Variants in DYSF observed in about 807,000 individuals in gnomAD.
DYSF encodes the protein dysferlin, also known as dystrophy-associated fer-1-like 1.
In DYSF, 212 loss-of-function variants were observed where a neutral mutation model predicts 274.9. That is an observed-to-expected ratio of 0.77 (90% confidence interval 0.69 to 0.86). DYSF has a LOEUF of 0.86. Ranked by LOEUF, DYSF falls within the 40% of genes least tolerant of loss-of-function variation. DYSF has a pLI of 0.00. For synonymous variants in DYSF, 1,091 were observed against 1,078.7 expected (o/e 1.01, Z -0.22); for missense variants, 2,666 against 2,783.2 (o/e 0.96, Z 0.95).
intron 30 of DYSF, among the ~76,000 whole-genome samples, chr2:71,575,609 C>T (rs2092676576): frequency 6.6e-6 from 1 of 152,002 alleles, no homozygotes; most frequent in Non-Finnish European, 1.5e-5. Flanking sequence ...CTGGCCTGAG[C>T]ACTGGGCAGG....
chr2:71,529,593 C>T (rs906982408), intron 14 of DYSF, among the ~76,000 whole-genome samples: 6 of 152,180 alleles, frequency 3.9e-5, no homozygotes, highest in Non-Finnish European at 8.8e-5. Flanking sequence ...TAGGGATGAT[C>T]GCCTGATCAC....
intron 3 of DYSF, among the ~76,000 whole-genome samples, chr2:71,483,540 G>C (rs1488677433): frequency 1.3e-5 from 2 of 152,160 alleles, no homozygotes; most frequent in Non-Finnish European, 1.5e-5. Flanking sequence ...TCAGTCTCAC[G>C]ACACGTGCGG....
intron 10 of DYSF, 26 bp from the exon 11 acceptor site, chr2:71,520,152 T>G (rs1209190840): frequency 6.2e-7 from 1 of 1,614,046 alleles, no homozygotes; most frequent in Admixed American, 1.7e-5. Context: ...AAGAGTTTGA[T>G]TTGTGTCTCC....
chr2:71,581,211 C>T (rs566825060), intron 30 of DYSF, among the ~76,000 whole-genome samples: 14 of 152,350 alleles, frequency 9.2e-5, no homozygotes, highest in Admixed American at 3.3e-4. Flanking sequence ...CAAGCACACA[C>T]GCATACACGC....
In DYSF at chr2:71,569,735, C is replaced by G. The variant is rs10205023; in HGVS notation, c.2865-85C>G. On this transcript the variant is annotated intron_variant, in intron 26 of 55. Transcript: ENST00000410020. The stretch of plus-strand genomic sequence containing the variant: ...TGTTGGTTGGGGTGAGGCTGACATA[C>G]GCAGGGGTGCTCTCCAGGAGGTGGT... 885,408 of 1,173,464 alleles carry G rather than the reference C, an allele frequency of 0.75. 336,511 individuals carry two copies. The highest frequency in any genetic ancestry group is 0.83 in the African/African-American group (54,855 of 66,082). 72.7% of individuals were successfully genotyped at this position (1,173,464 alleles called of 1,614,324 possible). A position where few individuals can be genotyped will look rare whatever the true frequency, so the allele number is the denominator to read the frequency against.
intron 44 of DYSF, among the ~76,000 whole-genome samples, chr2:71,659,249 T>TG (rs1238204948): frequency 6.6e-6 from 1 of 151,890 alleles, no homozygotes; most frequent in Non-Finnish European, 1.5e-5. Flanking sequence ...TTTGGGAAAA[T>TG]GGGGAAGGCT....
intron 52 of DYSF, among the ~76,000 whole-genome samples, chr2:71,678,577 T>G (rs1348590836): frequency 1.3e-5 from 2 of 152,038 alleles, no homozygotes; most frequent in African/African-American, 4.8e-5. Context: ...AGTTTTTGTT[T>G]GGGGGATGGA....
chr2:71,512,548 G>C (rs1416910430), intron 5 of DYSF, among the ~76,000 whole-genome samples: 1 of 152,220 alleles, frequency 6.6e-6, no homozygotes. Flanking sequence ...GTTCTGCCAG[G>C]CTGGTCAAGC....
At chr2:71,606,166 A>C (rs940168430) in intron 36 of DYSF, among the ~76,000 whole-genome samples, 1 of 152,136 alleles carries the variant, frequency 6.6e-6, no homozygotes, top group Non-Finnish European at 1.5e-5. Flanking sequence ...TCTTCGTGGT[A>C]AACTGGCCAG....
chr2:71,668,972 C>G, intron 49 of DYSF, 130 bp downstream of exon 49: 1 of 1,313,370 alleles, frequency 7.6e-7, no homozygotes. Flanking sequence ...ATACAGTTCT[C>G]GTTTGGGCCT....
chr2:71,606,827 G>C (rs1359843511), intron 36 of DYSF, among the ~76,000 whole-genome samples: 1 of 152,188 alleles, frequency 6.6e-6, no homozygotes, highest in Admixed American at 6.5e-5. Flanking sequence ...ACCAGAGGGA[G>C]TAATGAGCAG....
chr2:71,665,023 G>T, intron 46 of DYSF, 139 bp from the exon 47 acceptor site: 1 of 1,349,086 alleles, frequency 7.4e-7, no homozygotes, highest in South Asian at 1.2e-5. Flanking sequence ...CAGTCATGGT[G>T]AGCAATCAGA....
At chr2:71,682,441 A>G in intron 54 of DYSF, 89 bp from the exon 55 acceptor site, 1 of 1,556,240 alleles carries the variant, frequency 6.4e-7, no homozygotes, top group Non-Finnish European at 8.9e-7. Context: ...GTGGAGGGCC[A>G]GGCCATTGGA....
intron 23 of DYSF, among the ~76,000 whole-genome samples, chr2:71,562,918 C>A (rs987388188): frequency 7.2e-5 from 11 of 152,196 alleles, no homozygotes; most frequent in Admixed American, 4.6e-4. Context: ...GACCCGTGAA[C>A]TGTAAGCACA....
intron 29 of DYSF, among the ~76,000 whole-genome samples, chr2:71,572,706 C>T (rs2092562325): frequency 6.6e-6 from 1 of 152,164 alleles, no homozygotes. Context: ...CTTGGGGTTG[C>T]TGGGGTGAGC....
upstream of DYSF, among the ~76,000 whole-genome samples, chr2:71,462,732 G>C (rs952554012): frequency 2.0e-5 from 3 of 152,256 alleles, no homozygotes; most frequent in African/African-American, 7.2e-5. Flanking sequence ...CAGCAGAGAG[G>C]AGACCCACAT....
intron 32 of DYSF, among the ~76,000 whole-genome samples, chr2:71,591,511 A>G (rs1399274974): frequency 1.3e-5 from 2 of 152,368 alleles, no homozygotes; most frequent in East Asian, 3.9e-4. Flanking sequence ...ACACTATTTC[A>G]TGTAACCCTT....
intron 36 of DYSF, among the ~76,000 whole-genome samples, chr2:71,609,576 G>A (rs929486992): frequency 2.6e-5 from 4 of 152,146 alleles, no homozygotes; most frequent in African/African-American, 7.2e-5. Flanking sequence ...TTTAATTCTC[G>A]GAGCAGCTTA....
chr2:71,604,627 G>A (rs886915263), intron 36 of DYSF, among the ~76,000 whole-genome samples: 1 of 152,222 alleles, frequency 6.6e-6, no homozygotes, highest in Non-Finnish European at 1.5e-5. Context: ...TGAGATAGGG[G>A]CCTGGACTGG....
Sources: gnomAD v4.1 joint callset for allele counts (sites outside exome capture counted in the v4.1 genomes callset) on GRCh38, gnomAD v4.1.1 for gene constraint, MANE v1.5 for transcripts, NCBI Gene and HGNC (gene_info 2026-07-23, HGNC 2026-07-21) for gene names.